INTS9: variants seen among roughly 807,000 people sequenced by gnomAD.
The protein encoded by INTS9 is protein related to CPSF subunits of 74 kDa.
In INTS9, 55 loss-of-function variants were observed where a neutral mutation model predicts 79.7. The ratio of observed to expected loss-of-function variants is 0.69; its 90% CI spans 0.56 to 0.86. The LOEUF (loss-of-function observed/expected upper bound fraction) is 0.86, where lower values mean the gene tolerates loss of function less well. Among genes scored for constraint, INTS9 ranks in the 40% least tolerant of loss-of-function variants. The pLI is 0.00. For missense variants in INTS9, 721 were observed against 831.5 expected (o/e 0.87, Z 1.64); for synonymous variants, 319 against 325.2 (o/e 0.98, Z 0.20).
intron 12 of INTS9, 127 bp downstream of exon 12, chr8:28,780,696 T>C: frequency 2.7e-6 from 4 of 1,482,530 alleles, no homozygotes; most frequent in Non-Finnish European, 3.6e-6. Flanking sequence ...CTTTGGTACC[T>C]ACAGTAGAAC....
intron 8 of INTS9, among the ~76,000 whole-genome samples, chr8:28,808,463 T>A (rs567864514): frequency 6.6e-6 from 1 of 152,216 alleles, no homozygotes; most frequent in South Asian, 2.1e-4. Flanking sequence ...GGATTACAGG[T>A]GTGTGCCACC....
intron 5 of INTS9, among the ~76,000 whole-genome samples, chr8:28,836,222 CAGA>C (rs1806798440): frequency 6.6e-6 from 1 of 152,160 alleles, no homozygotes; most frequent in Non-Finnish European, 1.5e-5. Context: ...CTGCTAAATG[CAGA>C]AGACTAGCTC....
intron 4 of INTS9, among the ~76,000 whole-genome samples, chr8:28,843,531 T>C (rs1807319303): frequency 6.6e-6 from 1 of 152,248 alleles, no homozygotes; most frequent in Non-Finnish European, 1.5e-5. Context: ...CTTTGTCATA[T>C]AGTGATTTCA....
chr8:28,777,218 C>T lies in INTS9; in HGVS notation c.1395+611G>A, dbSNP rs185623161. Among the ~76,000 whole-genome samples, 58 of 152,220 alleles carry T rather than the reference C, an allele frequency of 3.8e-4. 1 individual carries two copies. Among genetic ancestry groups the T allele is most frequent in the African/African-American group, 1.3e-3 (55 of 41,530 alleles). ...GTGGAAAGGGAGAGCTCTTCCTCGC[C>T]GGTGTCAGCTGTCCTCCTTGCCAAT... On this transcript the variant is annotated intron_variant, in intron 13 of 16. Coordinates refer to ENST00000521022, the MANE Select transcript of INTS9 (RefSeq NM_018250.4).
intron 8 of INTS9, among the ~76,000 whole-genome samples, chr8:28,808,243 A>G (rs1159675347): frequency 6.8e-6 from 1 of 146,238 alleles, no homozygotes; most frequent in Non-Finnish European, 1.5e-5. Context: ...GCCCTGGCTG[A>G]AGTGTAATAG....
At chr8:28,784,933 G>A (rs1006046315) in intron 11 of INTS9, among the ~76,000 whole-genome samples, 2 of 152,190 alleles carry the variant, frequency 1.3e-5, no homozygotes, top group African/African-American at 2.4e-5. Context: ...TGGCCATGGA[G>A]TACATCTATC....
intron 1 of INTS9, among the ~76,000 whole-genome samples, chr8:28,880,265 TCC>T (rs1428636353): frequency 7.2e-5 from 8 of 111,224 alleles, no homozygotes; most frequent in South Asian, 3.2e-4. Flanking sequence ...CCTCTCCCTC[TCC>T]CTCTCCCTCT....
intron 2 of INTS9, among the ~76,000 whole-genome samples, chr8:28,855,585 G>A (rs1413593407): frequency 6.6e-6 from 1 of 152,216 alleles, no homozygotes; most frequent in Non-Finnish European, 1.5e-5. Context: ...GGTCATAAAA[G>A]ACGGACTGGG....
chr8:28,870,417 T>C (rs996623409), intron 1 of INTS9, among the ~76,000 whole-genome samples: 5 of 138,834 alleles, frequency 3.6e-5, no homozygotes, highest in Non-Finnish European at 7.6e-5. Flanking sequence ...ACAAAGTTTT[T>C]AAGGACAATA....
intron 6 of INTS9, among the ~76,000 whole-genome samples, chr8:28,819,784 G>T (rs1805718398): frequency 6.6e-6 from 1 of 152,140 alleles, no homozygotes; most frequent in Admixed American, 6.5e-5. Context: ...TTGTGTGGGA[G>T]TCTAAGTCTC....
At chr8:28,795,669 A>T in intron 9 of INTS9, among the ~76,000 whole-genome samples, 1 of 133,566 alleles carries the variant, frequency 7.5e-6, no homozygotes. Flanking sequence ...AAAAAAAAAG[A>T]AGAGGAAGAG....
intron 1 of INTS9, among the ~76,000 whole-genome samples, chr8:28,864,069 A>T (rs1284290571): frequency 6.6e-6 from 1 of 152,152 alleles, no homozygotes; most frequent in Non-Finnish European, 1.5e-5. Context: ...ATGGGCAGGC[A>T]TGGCGGCTCA....
intron 1 of INTS9, among the ~76,000 whole-genome samples, chr8:28,872,938 A>G (rs963832322): frequency 2.3e-4 from 35 of 152,188 alleles, no homozygotes; most frequent in African/African-American, 8.4e-4. Flanking sequence ...CAGGTATACC[A>G]TAATGACTGA....
chr8:28,839,238 A>G (rs1332983766), intron 4 of INTS9, among the ~76,000 whole-genome samples: 8 of 152,162 alleles, frequency 5.3e-5, no homozygotes, highest in East Asian at 3.8e-4. Context: ...TACAAGGGAC[A>G]GGAAGGACCT....
At chr8:28,772,297 G>A (rs910209236) in intron 14 of INTS9, among the ~76,000 whole-genome samples, 1 of 152,166 alleles carries the variant, frequency 6.6e-6, no homozygotes, top group Non-Finnish European at 1.5e-5. Flanking sequence ...GGCCACGGTG[G>A]GCAGACTGGA....
chr8:28,794,811 A>G (rs190397049), intron 9 of INTS9, among the ~76,000 whole-genome samples: 10 of 152,222 alleles, frequency 6.6e-5, no homozygotes, highest in African/African-American at 1.9e-4. Flanking sequence ...AGGGCCCCCA[A>G]ATTTGCATTT....
At chr8:28,864,426 G>C (rs1438589247) in intron 1 of INTS9, among the ~76,000 whole-genome samples, 1 of 152,188 alleles carries the variant, frequency 6.6e-6, no homozygotes, top group Non-Finnish European at 1.5e-5. Context: ...CAGAAGAAAT[G>C]AGATACAAGA....
chr8:28,878,556 A>G (rs1809516157), intron 1 of INTS9, among the ~76,000 whole-genome samples: 1 of 151,468 alleles, frequency 6.6e-6, no homozygotes, highest in South Asian at 2.1e-4. Flanking sequence ...TTGCGAGCTC[A>G]AGTGATCCTC....
chr8:28,779,273 C>T (rs571819255), intron 12 of INTS9, among the ~76,000 whole-genome samples: 5 of 152,310 alleles, frequency 3.3e-5, no homozygotes, highest in Admixed American at 3.3e-4. Flanking sequence ...ACTTCCTCCA[C>T]CTTTAGCCCA....
Sources: allele counts gnomAD v4.1 joint callset (sites outside exome capture counted in the v4.1 genomes callset), GRCh38; gene constraint gnomAD v4.1.1; transcripts MANE v1.5; gene names NCBI Gene and HGNC (gene_info 2026-07-23, HGNC 2026-07-21).